The following XPNPEP3 variants were observed in gnomAD, a reference collection of about 807,000 sequenced individuals.
XPNPEP3 encodes the protein X-prolyl aminopeptidase 3, also known as xaa-Pro aminopeptidase 3.
Under a neutral mutation model 60.0 loss-of-function variants are expected in XPNPEP3, and 41 were observed. The ratio of observed to expected loss-of-function variants is 0.68; its 90% CI spans 0.53 to 0.89. The LOEUF (loss-of-function observed/expected upper bound fraction) is 0.89. Among genes scored for constraint, XPNPEP3 ranks in the 40% least tolerant of loss-of-function variants. The pLI is 0.00. For synonymous variants in XPNPEP3, 212 were observed against 223.2 expected, an observed-to-expected ratio of 0.95 and a Z score of 0.45; for missense variants, 598 against 638.9, an observed-to-expected ratio of 0.94 and a Z score of 0.69.
intron 7 of XPNPEP3, among the ~76,000 whole-genome samples, chr22:40,920,235 G>T (rs1227778577): frequency 1.3e-5 from 2 of 152,130 alleles, no homozygotes; most frequent in Non-Finnish European, 2.9e-5. Context: ...GGGCGTGGTG[G>T]TGGGCGCCTA....
chr22:40,877,080 C>A (rs186136774), intron 2 of XPNPEP3, among the ~76,000 whole-genome samples: 1 of 152,254 alleles, frequency 6.6e-6, no homozygotes, highest in African/African-American at 2.4e-5. Context: ...ACTGTTTTGC[C>A]TTTTCTTGAC....
At chr22:40,867,042 A>C (rs771401452) in intron 1 of XPNPEP3, among the ~76,000 whole-genome samples, 3 of 152,230 alleles carry the variant, frequency 2.0e-5, no homozygotes, top group Admixed American at 1.3e-4. Flanking sequence ...GAAATCACCA[A>C]TGCAACAGCA....
intron 1 of XPNPEP3, among the ~76,000 whole-genome samples, chr22:40,857,904 G>A (rs1318271966): frequency 6.6e-6 from 1 of 152,102 alleles, no homozygotes; most frequent in Non-Finnish European, 1.5e-5. Flanking sequence ...AGAACGTATG[G>A]TATTTGACAT....
intron 7 of XPNPEP3, among the ~76,000 whole-genome samples, chr22:40,921,879 A>G (rs1185506046): frequency 6.6e-6 from 1 of 152,058 alleles, no homozygotes; most frequent in South Asian, 2.1e-4. Flanking sequence ...TTCTAAAGAC[A>G]CTTAAGTGCT....
rs61758421 is a variant in XPNPEP3, at chr22:40,861,562, G to T, written c.64+4317G>T. 3,942 of 1,613,422 alleles carry T rather than the reference G, an allele frequency of 2.4e-3. 5 individuals are homozygous for T. The highest frequency in any genetic ancestry group is 3.1e-3 in the Non-Finnish European group (3,633 of 1,179,826). On this transcript the variant is annotated intron_variant, in intron 1 of 9. Coordinates refer to ENST00000357137, the MANE Select transcript of XPNPEP3 (RefSeq NM_022098.4). ...TATGAAGAAAATTTCTCAAAAATTG[G>T]ATATTCACTGGCAGTGGAGAAAAAG...
intron 7 of XPNPEP3, among the ~76,000 whole-genome samples, chr22:40,914,960 G>A (rs182142032): frequency 1.3e-5 from 2 of 151,432 alleles, no homozygotes; most frequent in Admixed American, 1.3e-4. Context: ...TTCTTACAAG[G>A]TCAGCACATT....
chr22:40,888,409 A>AT (rs767636744), intron 4 of XPNPEP3: 2 of 440,744 alleles, frequency 4.5e-6, no homozygotes, highest in Non-Finnish European at 9.1e-6. Flanking sequence ...ATGCCTGCTA[A>AT]TTTTTTAAAT....
intron 1 of XPNPEP3, chr22:40,860,468 G>T: frequency 2.5e-6 from 1 of 405,096 alleles, no homozygotes. Flanking sequence ...TTCCTCCATT[G>T]GAAAACAGCC....
chr22:40,884,266 TATTA>T (rs1357285380), intron 3 of XPNPEP3, among the ~76,000 whole-genome samples: 1 of 152,186 alleles, frequency 6.6e-6, no homozygotes, highest in Non-Finnish European at 1.5e-5. Context: ...GTCTAAGTTT[TATTA>T]ATTCAGTATA....
intron 4 of XPNPEP3, among the ~76,000 whole-genome samples, chr22:40,891,385 T>C (rs2058087806): frequency 6.6e-6 from 1 of 151,954 alleles, no homozygotes; most frequent in African/African-American, 2.4e-5. Context: ...CTGGGCGTGG[T>C]GGCTCACACC....
At chr22:40,920,327 A>T (rs1230197252) in intron 7 of XPNPEP3, among the ~76,000 whole-genome samples, 3 of 152,072 alleles carry the variant, frequency 2.0e-5, no homozygotes, top group Non-Finnish European at 4.4e-5. Context: ...CCGAGATCGC[A>T]CCACTTCACT....
Position 40,869,020 on chromosome 22 carries a change from G to T in XPNPEP3, c.86G>T (p.Arg29Leu). The change falls in exon 2 of 10, where the codon CGA (arginine) becomes CTA (leucine). Residue 29 changes from arginine (R) to leucine (L), a missense_variant. Arg to Leu is a moderately radical substitution (Grantham distance 102). Transcript: ENST00000357137. ...GLSGCMLCSQ[R>L]RYSLQPVPER... ...TCAGGATGTATGTTGTGTTCACAGC[G>T]AAGGTACTCCCTTCAGCCTGTCCCA... The T allele has an allele frequency of 6.2e-7, 1 of 1,613,914 alleles. No individual in the cohort carries two copies. Among genetic ancestry groups the T allele is most frequent in the Non-Finnish European group, 8.5e-7 (1 of 1,179,914 alleles).
At chr22:40,876,121 T>A (rs1043175077) in intron 2 of XPNPEP3, among the ~76,000 whole-genome samples, 3 of 152,194 alleles carry the variant, frequency 2.0e-5, no homozygotes, top group African/African-American at 2.4e-5. Flanking sequence ...TTAGCAAGAA[T>A]CAGCCCTAGA....
rs1419067704 is a variant in XPNPEP3, at chr22:40,926,268, G to A, written c.1358-1G>A. The A allele has an allele frequency of 6.2e-7, 1 of 1,614,068 alleles. No individual in the cohort carries two copies. The highest frequency in any genetic ancestry group is 8.5e-7 in the Non-Finnish European group (1 of 1,180,020). On this transcript the variant is annotated splice_acceptor_variant, in intron 9 of 9. Coordinates refer to ENST00000357137, the MANE Select transcript of XPNPEP3 (RefSeq NM_022098.4). LOFTEE classifies it high-confidence loss of function. ...AGCATGTTCTTCTTTCTACTTCACAGGCATTTATATTCCAGAGGATGACAA... is the reference window on the plus strand; with the variant it reads ...AGCATGTTCTTCTTTCTACTTCACAAGCATTTATATTCCAGAGGATGACAA...
intron 2 of XPNPEP3, among the ~76,000 whole-genome samples, chr22:40,872,613 G>A (rs908711709): frequency 2.6e-5 from 4 of 151,990 alleles, no homozygotes; most frequent in African/African-American, 9.7e-5. Flanking sequence ...ACCACATCCG[G>A]CTAATTTTTG....
chr22:40,926,591 G>C lies in XPNPEP3; in HGVS notation c.*156G>C. Reference sequence around the variant, plus strand: ...GAATGTATGTAATTGTGTGTGGGGGGTTTTTTGTTTTAAGTAGTTAGAAGT... The same window carrying C: ...GAATGTATGTAATTGTGTGTGGGGGCTTTTTTGTTTTAAGTAGTTAGAAGT... On this transcript the variant is annotated 3_prime_UTR_variant, in exon 10 of 10. Transcript: ENST00000357137. The C allele has an allele frequency of 5.1e-6, 5 of 977,760 alleles. No homozygotes were observed. The highest frequency in any genetic ancestry group is 6.3e-6 in the Non-Finnish European group (4 of 632,944). The allele number at this position is 977,760 out of a possible 1,614,324, so 60.6% of individuals were successfully genotyped here.
rs563001105 is a variant in XPNPEP3, at chr22:40,868,892, A to C, written c.65-107A>C. ...TGAAGGAGAGAAGGAAGGAAATATT[A>C]GTTTGCATTTTTCTAAAGCATCTAA... On this transcript the variant is annotated intron_variant, in intron 1 of 9. Coordinates refer to ENST00000357137, the MANE Select transcript of XPNPEP3 (RefSeq NM_022098.4). The C allele has an allele frequency of 2.2e-4, 192 of 865,722 alleles. No individual in the cohort carries two copies. The South Asian group carries it at 2.5e-3, about 11-fold the overall frequency. The allele number at this position is 865,722 out of a possible 1,614,324, so 53.6% of individuals were successfully genotyped here. A position where few individuals can be genotyped will look rare whatever the true frequency, so the allele number is the denominator to read the frequency against.
At chr22:40,883,742 A>C (rs1033487659) in intron 3 of XPNPEP3, among the ~76,000 whole-genome samples, 3 of 152,106 alleles carry the variant, frequency 2.0e-5, no homozygotes, top group Non-Finnish European at 2.9e-5. Flanking sequence ...GAATGTTTTG[A>C]GATTTTTCTT....
At position 40,862,427 on chromosome 22, in the gene XPNPEP3, C is replaced by G. The variant is rs149404206; in HGVS notation, c.64+5182C>G. On this transcript the variant is annotated intron_variant, in intron 1 of 9. Transcript: ENST00000357137. Reference sequence around the variant, plus strand: ...GCGCCTTAATTGCTTCCCAGCTCTTCTATGCTTTGGTTTAGAAAAATGAAG... The same window carrying G: ...GCGCCTTAATTGCTTCCCAGCTCTTGTATGCTTTGGTTTAGAAAAATGAAG... 64 of 988,140 alleles carry G rather than the reference C, an allele frequency of 6.5e-5. No homozygotes were observed. In the East Asian group the frequency reaches 6.6e-3, roughly 101 times the overall value. The allele number at this position is 988,140 out of a possible 1,614,324, so 61.2% of individuals were successfully genotyped here.
Sources: gnomAD v4.1 joint callset for allele counts (sites outside exome capture counted in the v4.1 genomes callset) on GRCh38, gnomAD v4.1.1 for gene constraint, MANE v1.5 for transcripts, NCBI Gene and HGNC (gene_info 2026-07-23, HGNC 2026-07-21) for gene names.